Variants in FHIT observed in about 807,000 individuals in gnomAD.
The protein encoded by FHIT is bis(5'-adenosyl)-triphosphatase.
FHIT carries 19 observed loss-of-function variants against 17.9 expected under a neutral mutation model. The ratio of observed to expected loss-of-function variants is 1.06; its 90% CI spans 0.74 to 1.56. FHIT has a LOEUF of 1.56. Ranked by LOEUF, FHIT falls within the 40% of genes most tolerant of loss-of-function variation. The pLI is 0.00. For missense variants in FHIT, 248 were observed against 189.2 expected, an observed-to-expected ratio of 1.31 and a Z score of -1.82; for synonymous variants, 81 against 69.7, an observed-to-expected ratio of 1.16 and a Z score of -0.81.
intron 4 of FHIT, among the ~76,000 whole-genome samples, chr3:60,666,102 T>A (rs368115561): frequency 6.6e-6 from 1 of 152,148 alleles, no homozygotes; most frequent in African/African-American, 2.4e-5. Context: ...GGTATTATAA[T>A]TTTTGTTTTA....
At chr3:60,154,368 C>T (rs900419173) in intron 5 of FHIT, among the ~76,000 whole-genome samples, 5 of 152,180 alleles carry the variant, frequency 3.3e-5, no homozygotes, top group African/African-American at 4.8e-5. Context: ...GGGATGGCAT[C>T]AGGCATACCG....
intron 3 of FHIT, among the ~76,000 whole-genome samples, chr3:60,975,026 T>C (rs1040305175): frequency 6.6e-6 from 1 of 152,186 alleles, no homozygotes; most frequent in South Asian, 2.1e-4. Context: ...TAAGTTATGG[T>C]TACTGATGGT....
chr3:60,445,646 G>A (rs917169604), intron 5 of FHIT, among the ~76,000 whole-genome samples: 1 of 152,000 alleles, frequency 6.6e-6, no homozygotes, highest in Non-Finnish European at 1.5e-5. Flanking sequence ...CACTCACAGG[G>A]CTGAATGTAA....
chr3:59,954,523 G>T (rs1193217308), intron 7 of FHIT, among the ~76,000 whole-genome samples: 1 of 152,104 alleles, frequency 6.6e-6, no homozygotes, highest in East Asian at 1.9e-4. Flanking sequence ...GAAGGAGATG[G>T]AGACTCCTCT....
chr3:61,025,737 A>G (rs7651494), intron 3 of FHIT, among the ~76,000 whole-genome samples: 4,074 of 152,108 alleles, frequency 0.027, 184 homozygotes, highest in African/African-American at 0.092. Context: ...ACTGTTTGTT[A>G]ATATATCTGG....
At chr3:60,251,156 T>A (rs892091340) in intron 5 of FHIT, among the ~76,000 whole-genome samples, 3 of 152,194 alleles carry the variant, frequency 2.0e-5, no homozygotes, top group Non-Finnish European at 4.4e-5. Context: ...GCTATTCCAA[T>A]TGCATTTACC....
chr3:60,841,076 T>C lies in FHIT; in HGVS notation c.-110-19065A>G, dbSNP rs142451392. On this transcript the variant is annotated intron_variant, in intron 3 of 9. Transcript: ENST00000492590. ...CCTCTTCTGTTTCGGGTCATTATTT[T>C]ATCTGGAGAACCCAAAATCCAATTC... is the stretch of plus-strand genomic sequence containing the variant. Among the ~76,000 whole-genome samples, 340 of 152,360 alleles carry C rather than the reference T, an allele frequency of 2.2e-3. 2 individuals are homozygous for C. Among genetic ancestry groups the C allele is most frequent in the Middle Eastern group, 0.017 (5 of 294 alleles).
intron 3 of FHIT, among the ~76,000 whole-genome samples, chr3:60,939,666 A>G (rs782720696): frequency 6.6e-6 from 1 of 152,196 alleles, no homozygotes; most frequent in African/African-American, 2.4e-5. Context: ...ATGTAGCTCC[A>G]TTATTTTTAC....
intron 5 of FHIT, among the ~76,000 whole-genome samples, chr3:60,099,340 G>A (rs1310138853): frequency 6.6e-6 from 1 of 152,184 alleles, no homozygotes; most frequent in East Asian, 1.9e-4. Context: ...TTTGGTGTCA[G>A]GAACTGTGCT....
chr3:60,187,970 T>C (rs529358228), intron 5 of FHIT, among the ~76,000 whole-genome samples: 94 of 152,240 alleles, frequency 6.2e-4, no homozygotes, highest in Middle Eastern at 6.8e-3. Context: ...ATGACAATAA[T>C]GAAAAAGGCA....
intron 2 of FHIT, among the ~76,000 whole-genome samples, chr3:61,107,909 T>C (rs1167669051): frequency 6.6e-6 from 1 of 152,210 alleles, no homozygotes; most frequent in African/African-American, 2.4e-5. Context: ...TACATTTGAT[T>C]GGCCAAAAGT....
chr3:60,047,835 T>G (rs1001275880), intron 5 of FHIT, among the ~76,000 whole-genome samples: 31 of 152,368 alleles, frequency 2.0e-4, no homozygotes, highest in African/African-American at 7.2e-4. Flanking sequence ...CAACCCCATC[T>G]GACTTAGGGG....
chr3:61,003,850 C>T (rs1049604125), intron 3 of FHIT, among the ~76,000 whole-genome samples: 3 of 152,238 alleles, frequency 2.0e-5, no homozygotes, highest in Non-Finnish European at 4.4e-5. Flanking sequence ...AGAAATCTGG[C>T]ATGTCCATTT....
In FHIT at chr3:60,102,487, C is replaced by G. The variant is rs17062219; in HGVS notation, c.104-88335G>C. Among the ~76,000 whole-genome samples, 1,085 of 152,274 alleles carry G rather than the reference C, an allele frequency of 7.1e-3. 9 individuals are homozygous for G. The highest frequency in any genetic ancestry group is 0.025 in the African/African-American group (1,034 of 41,564). On this transcript the variant is annotated intron_variant, in intron 5 of 9. Coordinates refer to ENST00000492590, the MANE Select transcript of FHIT (RefSeq NM_002012.4). ...TTTAGTCCAGAATGATCTGGGGGTTCTTACTTATGGTTCTAAGACAGCCTC... is the reference window on the plus strand; with the variant it reads ...TTTAGTCCAGAATGATCTGGGGGTTGTTACTTATGGTTCTAAGACAGCCTC...
chr3:60,175,280 T>C lies in FHIT; in HGVS notation c.104-161128A>G, dbSNP rs374208179. 6.6e-5 allele frequency among the ~76,000 whole-genome samples: 10 copies of C among 152,262 alleles called. No individual in the cohort carries two copies. In the East Asian group the frequency reaches 1.4e-3, roughly 21 times the overall value. On this transcript the variant is annotated intron_variant, in intron 5 of 9. Transcript: ENST00000492590. ...TTTGCACAAAGCTAAACTACACATA[T>C]TGCTACCTAAAATATAAAACTAATG... is the stretch of plus-strand genomic sequence containing the variant.
intron 5 of FHIT, among the ~76,000 whole-genome samples, chr3:60,192,170 G>C (rs1042778928): frequency 2.0e-5 from 3 of 151,038 alleles, no homozygotes; most frequent in Non-Finnish European, 4.4e-5. Context: ...AGAATCGCTC[G>C]AGCCCGGGAG....
Position 60,932,167 on chromosome 3 carries a change from C to T in FHIT, c.-111+109880G>A, listed in dbSNP as rs116004266. 2.9e-3 allele frequency among the ~76,000 whole-genome samples: 439 copies of T among 152,316 alleles called. 6 individuals carry two copies. Among genetic ancestry groups the T allele is most frequent in the Admixed American group, 0.013 (202 of 15,296 alleles). The stretch of plus-strand genomic sequence containing the variant: ...AACAAGTAAATAAAAAACCATTGTG[C>T]TAAGTGCTCTCCTTCATTTATTCTC... On this transcript the variant is annotated intron_variant, in intron 3 of 9. Transcript: ENST00000492590.
intron 5 of FHIT, among the ~76,000 whole-genome samples, chr3:60,038,965 T>C (rs1299896656): frequency 2.4e-4 from 36 of 151,756 alleles, no homozygotes; most frequent in Admixed American, 2.2e-3. Context: ...CTGGAGGGGG[T>C]GGTCAGGAAT....
chr3:60,665,132 TA>T (rs369569701), intron 4 of FHIT, among the ~76,000 whole-genome samples: 189 of 152,170 alleles, frequency 1.2e-3, no homozygotes, highest in African/African-American at 4.4e-3. Flanking sequence ...ATTTTTCTGC[TA>T]TTTTTTTGTT....
Sources: gnomAD v4.1 joint callset for allele counts (sites outside exome capture counted in the v4.1 genomes callset) on GRCh38, gnomAD v4.1.1 for gene constraint, MANE v1.5 for transcripts, NCBI Gene and HGNC (gene_info 2026-07-23, HGNC 2026-07-21) for gene names.